LARGE1: variants seen among roughly 807,000 people sequenced by gnomAD.
LARGE1 encodes the protein LARGE xylosyl- and glucuronyltransferase 1.
A neutral mutation model predicts 87.6 loss-of-function variants in LARGE1; 43 were observed. The observed-to-expected ratio is 0.49, with a 90% CI of 0.38 to 0.63. LARGE1 has a LOEUF of 0.63. LARGE1 is among the 30% of genes least tolerant of loss of function. The pLI is 0.00. For missense variants in LARGE1, 802 were observed against 1,000.2 expected, an observed-to-expected ratio of 0.80 and a Z score of 2.67; for synonymous variants, 434 against 394.6, an observed-to-expected ratio of 1.10 and a Z score of -1.18.
chr22:33,637,878 G>A (rs1430782420), intron 3 of LARGE1, among the ~76,000 whole-genome samples: 1 of 152,160 alleles, frequency 6.6e-6, no homozygotes, highest in Non-Finnish European at 1.5e-5. Flanking sequence ...ATTTTAAGTT[G>A]TTAAGTTTTG....
At chr22:33,478,931 G>A (rs1448998380) in intron 6 of LARGE1, among the ~76,000 whole-genome samples, 1 of 152,122 alleles carries the variant, frequency 6.6e-6, no homozygotes, top group Non-Finnish European at 1.5e-5. Context: ...CTTCCATTTA[G>A]CCCCCAGGAT....
chr22:33,678,012 C>G (rs2081633961), intron 2 of LARGE1, among the ~76,000 whole-genome samples: 2 of 152,122 alleles, frequency 1.3e-5, no homozygotes, highest in African/African-American at 4.8e-5. Flanking sequence ...CGATTGGGAT[C>G]TACAATATGA....
intron 2 of LARGE1, among the ~76,000 whole-genome samples, chr22:33,723,066 G>A (rs1463859607): frequency 3.9e-5 from 6 of 152,184 alleles, no homozygotes; most frequent in African/African-American, 1.4e-4. Context: ...CAGCCTTTGA[G>A]GAAGATTCCT....
chr22:33,700,297 A>G (rs1355801961), intron 2 of LARGE1, among the ~76,000 whole-genome samples: 1 of 152,180 alleles, frequency 6.6e-6, no homozygotes, highest in Non-Finnish European at 1.5e-5. Context: ...GAGTTTGAGA[A>G]TCGATGCTCT....
At chr22:33,274,723 T>C in intron 14 of LARGE1, 99 bp from the exon 15 acceptor site, 1 of 1,045,242 alleles carries the variant, frequency 9.6e-7, no homozygotes, top group Non-Finnish European at 1.5e-6. Flanking sequence ...AATGAATGAC[T>C]TGATAATGGC....
intron 13 of LARGE1, among the ~76,000 whole-genome samples, chr22:33,279,181 C>G (rs1004452662): frequency 6.6e-6 from 1 of 152,104 alleles, no homozygotes; most frequent in Non-Finnish European, 1.5e-5. Flanking sequence ...CTAGAAGCTA[C>G]AGAGAGACGG....
chr22:33,294,302 C>A (rs190655205), intron 12 of LARGE1, among the ~76,000 whole-genome samples: 93 of 152,358 alleles, frequency 6.1e-4, no homozygotes, highest in African/African-American at 2.2e-3. Flanking sequence ...GGGAGAGAAC[C>A]AGACTTGTCA....
the LARGE1 span, among the ~76,000 whole-genome samples, chr22:33,111,815 G>A: frequency 2.0e-5 from 3 of 152,182 alleles, no homozygotes; most frequent in Non-Finnish European, 2.9e-5. Flanking sequence ...AATTACTGAG[G>A]AATTTATGTG....
chr22:33,102,783 A>C, the LARGE1 span, among the ~76,000 whole-genome samples: 3 of 152,032 alleles, frequency 2.0e-5, no homozygotes, highest in East Asian at 5.8e-4. Context: ...AAACCACTGC[A>C]CCTGGCACCC....
At chr22:33,306,286 A>G (rs1934914911) in intron 11 of LARGE1, among the ~76,000 whole-genome samples, 1 of 152,008 alleles carries the variant, frequency 6.6e-6, no homozygotes, top group African/African-American at 2.4e-5. Flanking sequence ...CACCTGTTTT[A>G]CCTTCTGCAA....
intron 2 of LARGE1, among the ~76,000 whole-genome samples, chr22:33,652,743 C>G (rs563826918): frequency 6.6e-6 from 1 of 152,314 alleles, no homozygotes; most frequent in African/African-American, 2.4e-5. Context: ...GAATTACACC[C>G]TGCAGGTCTC....
At position 33,274,634 on chromosome 22, in the gene LARGE1, G is replaced by A; in HGVS notation, c.2074-10C>T. Reference sequence around the variant, plus strand: ...CAATGAACTCATACTCCTGGAAGAAGACAAGAGCAGCGTGAGAACCCGCAA... The same window carrying A: ...CAATGAACTCATACTCCTGGAAGAAAACAAGAGCAGCGTGAGAACCCGCAA... On this transcript the variant is annotated splice_polypyrimidine_tract_variant and intron_variant, in intron 14 of 14. Transcript: ENST00000397394. 2 of 1,613,796 alleles carry A rather than the reference G, an allele frequency of 1.2e-6. No homozygotes were observed. The highest frequency in any genetic ancestry group is 1.7e-6 in the Non-Finnish European group (2 of 1,179,704).
the LARGE1 span, among the ~76,000 whole-genome samples, chr22:33,123,568 T>A: frequency 2.6e-5 from 4 of 152,260 alleles, no homozygotes; most frequent in East Asian, 7.7e-4. Flanking sequence ...GCAAAGAAGG[T>A]GTAAGTATAG....
intron 11 of LARGE1, among the ~76,000 whole-genome samples, chr22:33,266,931 C>A (rs1029787966): frequency 6.6e-6 from 1 of 151,656 alleles, no homozygotes; most frequent in African/African-American, 2.4e-5. Context: ...CCTCAGTTTC[C>A]TCGTCTAGTA....
At chr22:33,135,064 A>C in the LARGE1 span, among the ~76,000 whole-genome samples, 1 of 152,314 alleles carries the variant, frequency 6.6e-6, no homozygotes, top group East Asian at 1.9e-4. Context: ...AACCATATTA[A>C]CTGGGCAAAT....
chr22:33,865,006 T>A (rs543999480), intron 1 of LARGE1, among the ~76,000 whole-genome samples: 9 of 152,210 alleles, frequency 5.9e-5, no homozygotes, highest in African/African-American at 2.2e-4. Flanking sequence ...TCTGAAAGAG[T>A]CACAGCCGTG....
At chr22:33,513,612 T>G (rs1370455109) in intron 6 of LARGE1, among the ~76,000 whole-genome samples, 1 of 151,920 alleles carries the variant, frequency 6.6e-6, no homozygotes, top group Non-Finnish European at 1.5e-5. Context: ...AACAAACACA[T>G]GCAAGAGAGG....
chr22:33,203,066 A>ACTCTCTCTCT (rs35446457), intron 11 of LARGE1, among the ~76,000 whole-genome samples: 4 of 139,382 alleles, frequency 2.9e-5, no homozygotes, highest in Admixed American at 7.1e-5. Context: ...TAGAATCTAA[A>ACTCTCTCTCT]CTCTCTCTCT....
chr22:33,139,231 T>A, the LARGE1 span, among the ~76,000 whole-genome samples: 69 of 152,310 alleles, frequency 4.5e-4, no homozygotes, highest in African/African-American at 1.6e-3. Flanking sequence ...TGGTATCTCA[T>A]TGTGCTTTTA....
Sources: allele counts gnomAD v4.1 joint callset (sites outside exome capture counted in the v4.1 genomes callset), GRCh38; gene constraint gnomAD v4.1.1; transcripts MANE v1.5; gene names NCBI Gene and HGNC (gene_info 2026-07-23, HGNC 2026-07-21).